Variants in MYL12A observed in about 807,000 individuals in gnomAD.
MYL12A encodes myosin regulatory light chain 12A.
Under a neutral mutation model 13.3 loss-of-function variants are expected in MYL12A, and 11 were observed. The observed-to-expected ratio is 0.83, with a 90% CI of 0.52 to 1.37. MYL12A has a LOEUF of 1.37. Among genes scored for constraint, MYL12A ranks in the 40% most tolerant of loss-of-function variants. The probability of loss-of-function intolerance (pLI) is 0.00; values close to 1 mark genes in which losing one functional copy is unlikely to be tolerated. For synonymous variants in MYL12A, 51 were observed against 69.9 expected (o/e 0.73, Z 1.35); for missense variants, 146 against 212.3 (o/e 0.69, Z 1.94).
intron 3 of MYL12A, among the ~76,000 whole-genome samples, chr18:3,254,256 T>C (rs2081516672): frequency 6.6e-6 from 1 of 152,204 alleles, no homozygotes; most frequent in South Asian, 2.1e-4. Context: ...ATTTGAAACC[T>C]CATTGGGAAG....
At position 3,252,329 on chromosome 18, in the gene MYL12A, T is replaced by C. The variant is rs1257072458; in HGVS notation, c.-15-904T>C. 13 of 1,533,454 alleles carry C rather than the reference T, an allele frequency of 8.5e-6. No homozygotes were observed. The East Asian group carries it at 2.9e-4, about 35-fold the overall frequency. 95.0% of individuals were successfully genotyped at this position (1,533,454 alleles called of 1,614,324 possible). On this transcript the variant is annotated intron_variant, in intron 1 of 3. Coordinates refer to ENST00000217652, the MANE Select transcript of MYL12A (RefSeq NM_006471.4). ...TTCCCTGCAACTCTGAAGGATGGTA[T>C]GGTAGAATTTTATTGTCTGATGACT...
rs2081533554 is a variant in MYL12A, at chr18:3,255,960, TG to T, written c.*45del. Reference sequence around the variant, plus strand: ...AGCCAAACGTTCCTTGTTGCCACTTTGGGTATTCTGAGATTTTCTCTTGCAT... The same window carrying T: ...AGCCAAACGTTCCTTGTTGCCACTTTGGTATTCTGAGATTTTCTCTTGCAT... On this transcript the variant is annotated 3_prime_UTR_variant, in exon 4 of 4. Coordinates refer to ENST00000217652, the MANE Select transcript of MYL12A (RefSeq NM_006471.4). The T allele has an allele frequency of 3.1e-6, 5 of 1,600,268 alleles. No homozygotes were observed. Among genetic ancestry groups the T allele is most frequent in the Non-Finnish European group, 4.3e-6 (5 of 1,172,646 alleles).
Position 3,253,445 on chromosome 18 carries a change from A to G in MYL12A, c.181+17A>G, listed in dbSNP as rs547223301. The G allele has an allele frequency of 6.2e-6, 10 of 1,608,990 alleles. No homozygotes were observed. The South Asian group carries it at 8.8e-5, about 14-fold the overall frequency. Reference sequence around the variant, plus strand: ...CTTCATTGGGTAATGCTCAGTTTAAATATTAATCTATTGGATAGAATTTCC... The same window carrying G: ...CTTCATTGGGTAATGCTCAGTTTAAGTATTAATCTATTGGATAGAATTTCC... On this transcript the variant is annotated intron_variant, in intron 2 of 3. Coordinates refer to ENST00000217652, the MANE Select transcript of MYL12A (RefSeq NM_006471.4).
Position 3,252,226 on chromosome 18 carries a change from A to G in MYL12A, c.-15-1007A>G, listed in dbSNP as rs111699980. ...GGTCAGAGTGAAATCAGTAGTGCCT[A>G]TTTTAGACCTGCTTGGAAGAATATA... On this transcript the variant is annotated intron_variant, in intron 1 of 3. Coordinates refer to ENST00000217652, the MANE Select transcript of MYL12A (RefSeq NM_006471.4). 26 of 1,055,700 alleles carry G rather than the reference A, an allele frequency of 2.5e-5. No homozygotes were observed. The African/African-American group carries it at 3.0e-4, about 12-fold the overall frequency. 65.4% of individuals were successfully genotyped at this position (1,055,700 alleles called of 1,614,324 possible). A position where few individuals can be genotyped will look rare whatever the true frequency, so the allele number is the denominator to read the frequency against.
chr18:3,253,124 CAT>C (rs1181388757), intron 1 of MYL12A, 107 bp from the exon 2 acceptor site: 33 of 1,213,288 alleles, frequency 2.7e-5, no homozygotes, highest in Admixed American at 5.1e-5. Context: ...GTAGCTCAAA[CAT>C]ATCAGGAAAG....
intron 1 of MYL12A, chr18:3,249,855 C>T (rs2081466994): frequency 1.3e-5 from 2 of 152,016 alleles, no homozygotes; most frequent in African/African-American, 4.8e-5. Context: ...TGAGATCGCG[C>T]CACTGCACTC....
At chr18:3,247,741 C>G (rs2081442562), upstream of MYL12A, 1 of 152,262 alleles carries the variant, frequency 6.6e-6, no homozygotes, top group Non-Finnish European at 1.5e-5. Flanking sequence ...GTCGCCCCTC[C>G]GTGAAGTCAG....
chr18:3,253,762 TTCACTC>T (rs1465326703), intron 2 of MYL12A, 121 bp from the exon 3 acceptor site: 17 of 1,089,874 alleles, frequency 1.6e-5, no homozygotes, highest in Non-Finnish European at 2.2e-5. Context: ...CCCAAATAGT[TTCACTC>T]TCATGAGTGC....
Position 3,256,114 on chromosome 18 carries a change from A to G in MYL12A, c.*196A>G, listed in dbSNP as rs7811. 100,461 of 685,152 alleles carry G rather than the reference A, an allele frequency of 0.15. 8,188 individuals are homozygous for G. The highest frequency in any genetic ancestry group is 0.27 in the East Asian group (9,376 of 35,222). The allele number at this position is 685,152 out of a possible 1,614,324, so 42.4% of individuals were successfully genotyped here. A position where few individuals can be genotyped will look rare whatever the true frequency, so the allele number is the denominator to read the frequency against. On this transcript the variant is annotated 3_prime_UTR_variant, in exon 4 of 4. Coordinates refer to ENST00000217652, the MANE Select transcript of MYL12A (RefSeq NM_006471.4). ...TATCATTTTCAGAATAAAAAATAGG[A>G]TAATTTAACCTACCAGCCCTTCTCC...
In MYL12A at chr18:3,253,252, C is replaced by T. The variant is rs761526512; in HGVS notation, c.5C>T (p.Ser2Leu). Reference sequence around the variant, plus strand: ...AATTAGGACTTAACCACCACCATGTCGAGCAAAAGAACAAAGACCAAGACC... The same window carrying T: ...AATTAGGACTTAACCACCACCATGTTGAGCAAAAGAACAAAGACCAAGACC... MSSKRTKTKTKK... is the reference protein window; with the variant it reads MLSKRTKTKTKK... The change falls in exon 2 of 4, where the codon TCG becomes TTG. Residue 2 changes from serine to leucine, a missense_variant. By Grantham distance (145) the Ser-to-Leu change is moderately radical. Transcript: ENST00000217652. The T allele has an allele frequency of 1.4e-5, 22 of 1,612,474 alleles. No individual in the cohort carries two copies. The highest frequency in any genetic ancestry group is 1.6e-4 in the Middle Eastern group (1 of 6,074).
intron 1 of MYL12A, among the ~76,000 whole-genome samples, chr18:3,251,879 G>T (rs929691146): frequency 6.6e-6 from 1 of 151,668 alleles, no homozygotes; most frequent in African/African-American, 2.4e-5. Context: ...GGATGGGCTG[G>T]AATTTGTGAC....
chr18:3,254,049 T>C lies in MYL12A; in HGVS notation c.342T>C (p.Thr114=). Residue 114 remains threonine (T), a splice_region_variant and synonymous_variant, in exon 3 of 4, where the codon ACT becomes ACC. Coordinates refer to ENST00000217652, the MANE Select transcript of MYL12A (RefSeq NM_006471.4). ...NAFACFDEEA[T]GTIQEDYLRE... ...TTGCTTGCTTTGATGAAGAAGCAAC[T>C]GGTAAGTGAGAGGTAACCTTTAATT... is the stretch of plus-strand genomic sequence containing the variant. 1 of 1,611,844 alleles carries C rather than the reference T, an allele frequency of 6.2e-7. No individual in the cohort carries two copies. The highest frequency in any genetic ancestry group is 1.7e-5 in the Admixed American group (1 of 59,420).
chr18:3,253,160 T>A (rs1323901889), intron 1 of MYL12A, 73 bp from the exon 2 acceptor site: 4 of 1,479,802 alleles, frequency 2.7e-6, no homozygotes, highest in Non-Finnish European at 3.7e-6. Context: ...CTTTTGTTAA[T>A]CATTGTTTTG....
intron 1 of MYL12A, among the ~76,000 whole-genome samples, chr18:3,250,816 T>C (rs1036127683): frequency 2.0e-5 from 3 of 152,222 alleles, no homozygotes; most frequent in African/African-American, 7.2e-5. Flanking sequence ...TCACAGCATT[T>C]GATAATTATG....
Position 3,253,869 on chromosome 18 carries a change from G to T in MYL12A, c.182-20G>T. 5 of 1,586,552 alleles carry T rather than the reference G, an allele frequency of 3.2e-6. No homozygotes were observed. The highest frequency in any genetic ancestry group is 1.2e-5 in the South Asian group (1 of 86,658). ...TGTATTGTAATGTAATTAAAATTATGACCCCTTTTAAAAATTTAGGGAAGA... is the reference window on the plus strand; with the variant it reads ...TGTATTGTAATGTAATTAAAATTATTACCCCTTTTAAAAATTTAGGGAAGA... On this transcript the variant is annotated intron_variant, in intron 2 of 3. Transcript: ENST00000217652.
At chr18:3,251,242 C>A (rs1173460347) in intron 1 of MYL12A, among the ~76,000 whole-genome samples, 1 of 151,808 alleles carries the variant, frequency 6.6e-6, no homozygotes, top group Non-Finnish European at 1.5e-5. Context: ...TATCAGAATT[C>A]AGAAAACATA....
chr18:3,253,736 T>G (rs2081510370), intron 2 of MYL12A, 153 bp from the exon 3 acceptor site: 1 of 856,468 alleles, frequency 1.2e-6, no homozygotes, highest in African/African-American at 1.7e-5. Context: ...GCCCTATTCA[T>G]TAAGAAAACT....
upstream of MYL12A, chr18:3,247,781 G>C (rs184132554): frequency 1.3e-5 from 2 of 152,198 alleles, no homozygotes; most frequent in Non-Finnish European, 2.9e-5. Context: ...AAAGGTGACC[G>C]GGCTTCCTTC....
rs751991135 is a variant in MYL12A, at chr18:3,255,966, T to C, written c.*48T>C. 3 of 1,591,816 alleles carry C rather than the reference T, an allele frequency of 1.9e-6. No homozygotes were observed. Among genetic ancestry groups the C allele is most frequent in the Non-Finnish European group, 2.6e-6 (3 of 1,167,454 alleles). On this transcript the variant is annotated 3_prime_UTR_variant, in exon 4 of 4. Transcript: ENST00000217652. ...ACGTTCCTTGTTGCCACTTTGGGTA[T>C]TCTGAGATTTTCTCTTGCATGCCCT...
Sources: gnomAD v4.1 joint callset for allele counts (sites outside exome capture counted in the v4.1 genomes callset) on GRCh38, gnomAD v4.1.1 for gene constraint, MANE v1.5 for transcripts, NCBI Gene and HGNC (gene_info 2026-07-23, HGNC 2026-07-21) for gene names.